SYN3: variants seen among roughly 807,000 people sequenced by gnomAD.
SYN3 encodes the protein synapsin III.
A neutral mutation model predicts 65.8 loss-of-function variants in SYN3; 35 were observed. The observed-to-expected ratio is 0.53, with a 90% confidence interval of 0.41 to 0.70. SYN3 has a LOEUF of 0.70. Ranked by LOEUF, SYN3 falls within the 30% of genes least tolerant of loss-of-function variation. The pLI, the probability that SYN3 is intolerant of heterozygous loss-of-function variation, is 0.00. For missense variants in SYN3, 680 were observed against 749.0 expected (o/e 0.91, Z 1.08); for synonymous variants, 270 against 292.9 (o/e 0.92, Z 0.80).
intron 6 of SYN3, among the ~76,000 whole-genome samples, chr22:32,789,242 A>G (rs1050005661): frequency 9.9e-5 from 15 of 152,126 alleles, no homozygotes; most frequent in South Asian, 4.1e-4. Flanking sequence ...TCAGCCCCCA[A>G]TCACTGCCTC....
At chr22:32,866,487 G>A (rs2048692530) in intron 5 of SYN3, among the ~76,000 whole-genome samples, 1 of 152,178 alleles carries the variant, frequency 6.6e-6, no homozygotes, top group Non-Finnish European at 1.5e-5. Flanking sequence ...TTTTGAAGAG[G>A]CCTAGCTCTA....
chr22:32,578,757 A>C (rs918764453), intron 7 of SYN3, among the ~76,000 whole-genome samples: 6 of 152,216 alleles, frequency 3.9e-5, no homozygotes, highest in African/African-American at 1.2e-4. Flanking sequence ...TGTATTCCTC[A>C]TTGGGGTTTA....
At chr22:32,523,763 G>A (rs1391585317) in intron 12 of SYN3, among the ~76,000 whole-genome samples, 1 of 152,240 alleles carries the variant, frequency 6.6e-6, no homozygotes, top group African/African-American at 2.4e-5. Context: ...ATTAAGCTTA[G>A]TGAGGAGGGC....
At chr22:32,666,961 G>C (rs1470322408) in intron 6 of SYN3, among the ~76,000 whole-genome samples, 5 of 152,132 alleles carry the variant, frequency 3.3e-5, no homozygotes, top group African/African-American at 9.7e-5. Context: ...TCCTTTGTCT[G>C]TTTCTCTGAA....
chr22:32,522,625 A>G (rs1488807173), intron 12 of SYN3, among the ~76,000 whole-genome samples: 1 of 152,222 alleles, frequency 6.6e-6, no homozygotes, highest in Non-Finnish European at 1.5e-5. Flanking sequence ...AGCAATATGT[A>G]TAAGACACAC....
At chr22:32,947,486 T>G (rs1258506712) in intron 3 of SYN3, 1 of 152,174 alleles carries the variant, frequency 6.6e-6, no homozygotes, top group African/African-American at 2.4e-5. Flanking sequence ...TGAAACTGCA[T>G]TGCCAGGGCC....
At chr22:32,595,292 G>C (rs529173356) in intron 7 of SYN3, among the ~76,000 whole-genome samples, 1 of 152,156 alleles carries the variant, frequency 6.6e-6, no homozygotes, top group Non-Finnish European at 1.5e-5. Context: ...CAGCCATTTT[G>C]ACTGTCTGAA....
At chr22:32,944,987 A>T (rs1206649864) in intron 3 of SYN3, among the ~76,000 whole-genome samples, 11 of 152,234 alleles carry the variant, frequency 7.2e-5, no homozygotes, top group Non-Finnish European at 1.6e-4. Context: ...CTTACAAGGG[A>T]TGTGAAGGAT....
chr22:32,710,390 G>A (rs1161529659), intron 6 of SYN3, among the ~76,000 whole-genome samples: 1 of 151,632 alleles, frequency 6.6e-6, no homozygotes, highest in Non-Finnish European at 1.5e-5. Flanking sequence ...CAGCAGTTTG[G>A]GAGGCCAAGG....
chr22:32,976,060 T>C (rs540095665), intron 3 of SYN3, among the ~76,000 whole-genome samples: 1 of 152,320 alleles, frequency 6.6e-6, no homozygotes, highest in Admixed American at 6.5e-5. Context: ...GTCTGAAGTG[T>C]TTAAAATATT....
chr22:32,724,631 A>T (rs1310987563), intron 6 of SYN3, among the ~76,000 whole-genome samples: 1 of 152,102 alleles, frequency 6.6e-6, no homozygotes, highest in Non-Finnish European at 1.5e-5. Flanking sequence ...TAAAGTTTTT[A>T]TTTTTTTCAT....
In SYN3 at chr22:32,786,149, C is replaced by T. The variant is rs981818127; in HGVS notation, c.711+78766G>A. Among the ~76,000 whole-genome samples the T allele has an allele frequency of 5.3e-5, 8 of 152,240 alleles. No individual in the cohort carries two copies. In the South Asian group the frequency reaches 8.3e-4, roughly 16 times the overall value. On this transcript the variant is annotated intron_variant, in intron 6 of 13. Transcript: ENST00000358763. ...TATCTCATTTAATTTTCATATTTGC[C>T]GTATGAGGTGGGTGCTGTTAGTGCC...
intron 3 of SYN3, among the ~76,000 whole-genome samples, chr22:32,957,207 A>G (rs2051493013): frequency 6.6e-6 from 1 of 152,182 alleles, no homozygotes; most frequent in Non-Finnish European, 1.5e-5. Flanking sequence ...GGGCTCCAAG[A>G]TTAGCACAAT....
At chr22:32,554,194 C>T (rs2058458064) in intron 7 of SYN3, among the ~76,000 whole-genome samples, 1 of 152,276 alleles carries the variant, frequency 6.6e-6, no homozygotes, top group South Asian at 2.1e-4. Context: ...GGTCCTGCCT[C>T]AGTGACTTTG....
chr22:32,552,137 T>C (rs753049582), intron 7 of SYN3, among the ~76,000 whole-genome samples: 43 of 152,094 alleles, frequency 2.8e-4, no homozygotes, highest in Non-Finnish European at 5.9e-5. Context: ...TCCCAGCTAC[T>C]TGGGAGGTTG....
At chr22:32,800,866 G>T (rs186649312) in intron 6 of SYN3, among the ~76,000 whole-genome samples, 2 of 152,188 alleles carry the variant, frequency 1.3e-5, no homozygotes, top group African/African-American at 4.8e-5. Context: ...TCTCAGCGAG[G>T]ATGGCACTTC....
At chr22:32,750,993 G>A (rs2045104742) in intron 6 of SYN3, among the ~76,000 whole-genome samples, 1 of 152,116 alleles carries the variant, frequency 6.6e-6, no homozygotes, top group Non-Finnish European at 1.5e-5. Flanking sequence ...TGAATCTGGA[G>A]CTGCGGGTTT....
At chr22:32,613,969 C>A (rs2059481437) in intron 6 of SYN3, among the ~76,000 whole-genome samples, 1 of 152,196 alleles carries the variant, frequency 6.6e-6, no homozygotes, top group African/African-American at 2.4e-5. Flanking sequence ...CTCAGCCCTA[C>A]CACTGCTGAG....
chr22:32,676,876 C>T (rs1281565949), intron 6 of SYN3, among the ~76,000 whole-genome samples: 1 of 152,128 alleles, frequency 6.6e-6, no homozygotes, highest in Non-Finnish European at 1.5e-5. Flanking sequence ...ACCCACGTGA[C>T]AGGCCTTGTG....
Sources: gnomAD v4.1 joint callset for allele counts (sites outside exome capture counted in the v4.1 genomes callset) on GRCh38, gnomAD v4.1.1 for gene constraint, MANE v1.5 for transcripts, NCBI Gene and HGNC (gene_info 2026-07-23, HGNC 2026-07-21) for gene names.